SND1: variants seen among roughly 807,000 people sequenced by gnomAD.
The protein encoded by SND1 is staphylococcal nuclease domain-containing protein 1.
In SND1, 38 loss-of-function variants were observed where a neutral mutation model predicts 121.7. That is an observed-to-expected ratio of 0.31 (90% CI 0.24 to 0.41). The LOEUF is 0.41. SND1 is among the 10% of genes least tolerant of loss of function. The pLI is 1.00. For missense variants in SND1, 868 were observed against 1,184.6 expected (o/e 0.73, Z 3.92); for synonymous variants, 401 against 447.4 (o/e 0.90, Z 1.31).
chr7:127,849,878 A>T (rs894320517), intron 12 of SND1, among the ~76,000 whole-genome samples: 3 of 138,404 alleles, frequency 2.2e-5, no homozygotes, highest in African/African-American at 8.5e-5. Flanking sequence ...TTGCTATCAG[A>T]GGTATTGTCC....
chr7:127,953,769 T>A (rs1801525326), intron 15 of SND1, among the ~76,000 whole-genome samples: 1 of 152,214 alleles, frequency 6.6e-6, no homozygotes. Context: ...CTTGTTAATT[T>A]TCATTTATTC....
chr7:128,091,967 G>GAGCT (rs1285616264), intron 23 of SND1, 26 bp from the exon 24 acceptor site: 14 of 1,613,950 alleles, frequency 8.7e-6, no homozygotes, highest in African/African-American at 1.3e-5. Context: ...TATCCCTGAA[G>GAGCT]AGCTATTGTC....
At chr7:127,841,525 A>G (rs1392652168) in intron 11 of SND1, among the ~76,000 whole-genome samples, 1 of 152,030 alleles carries the variant, frequency 6.6e-6, no homozygotes, top group South Asian at 2.1e-4. Context: ...ATTTTTTGCC[A>G]TGACTCCAGC....
Position 127,702,386 on chromosome 7 carries a change from C to G in SND1, c.590-49C>G, listed in dbSNP as rs1446435830. The G allele has an allele frequency of 4.5e-6, 7 of 1,547,382 alleles. No homozygotes were observed. The Admixed American group carries it at 1.2e-4, about 26-fold the overall frequency. ...GCAGTTTGATTGGGCAGTGTTTATC[C>G]TTGTTAGGATGTTTGCTAAGGACTT... On this transcript the variant is annotated intron_variant, in intron 5 of 23. Transcript: ENST00000354725.
rs377107369 is a variant in SND1 at position 127,865,161 on chromosome 7, T to C, written c.1343+20737T>C. ...TCCATTGAGAGAGAAACACTATTGATGATTACATTAGTGTATCCCTCTGAG... is the reference window on the plus strand; with the variant it reads ...TCCATTGAGAGAGAAACACTATTGACGATTACATTAGTGTATCCCTCTGAG... On this transcript the variant is annotated intron_variant, in intron 12 of 23. Coordinates refer to ENST00000354725, the MANE Select transcript of SND1 (RefSeq NM_014390.4). 4.6e-5 allele frequency among the ~76,000 whole-genome samples: 7 copies of C among 152,318 alleles called. No individual in the cohort carries two copies. In the East Asian group the frequency reaches 5.8e-4, roughly 13 times the overall value.
intron 14 of SND1, among the ~76,000 whole-genome samples, chr7:127,910,627 T>A (rs956266924): frequency 3.9e-5 from 6 of 152,190 alleles, no homozygotes; most frequent in Admixed American, 6.5e-5. Context: ...ATGATTCTAA[T>A]GTTCCTTTCA....
At chr7:127,874,742 A>G (rs1270609083) in intron 12 of SND1, among the ~76,000 whole-genome samples, 1 of 152,186 alleles carries the variant, frequency 6.6e-6, no homozygotes, top group African/African-American at 2.4e-5. Flanking sequence ...CATTTCTCCC[A>G]TACCCCTCAA....
chr7:127,860,303 A>C (rs980971620), intron 12 of SND1, among the ~76,000 whole-genome samples: 1 of 152,204 alleles, frequency 6.6e-6, no homozygotes, highest in Non-Finnish European at 1.5e-5. Context: ...TGAAGCCACA[A>C]GTTTCCTGTT....
intron 15 of SND1, among the ~76,000 whole-genome samples, chr7:127,962,226 T>G (rs1785369536): frequency 1.3e-5 from 2 of 152,132 alleles, no homozygotes; most frequent in Non-Finnish European, 2.9e-5. Context: ...ATGAATATAG[T>G]CAAATAAATT....
At chr7:127,789,872 A>G (rs1274830510) in intron 10 of SND1, among the ~76,000 whole-genome samples, 1 of 152,238 alleles carries the variant, frequency 6.6e-6, no homozygotes, top group Non-Finnish European at 1.5e-5. Context: ...CTCAAAAGAA[A>G]TAGTGGCCAT....
At chr7:127,809,995 G>A (rs1798304549) in intron 11 of SND1, among the ~76,000 whole-genome samples, 1 of 152,148 alleles carries the variant, frequency 6.6e-6, no homozygotes, top group Non-Finnish European at 1.5e-5. Context: ...TGAGAATATA[G>A]GATGATGGTA....
At chr7:127,837,296 C>T (rs1255535687) in intron 11 of SND1, among the ~76,000 whole-genome samples, 1 of 152,096 alleles carries the variant, frequency 6.6e-6, no homozygotes, top group African/African-American at 2.4e-5. Flanking sequence ...TTGTAAAGTA[C>T]ACACCAGATA....
intron 1 of SND1, among the ~76,000 whole-genome samples, chr7:127,684,983 A>C (rs1287077240): frequency 1.3e-5 from 2 of 152,184 alleles, no homozygotes; most frequent in East Asian, 3.8e-4. Flanking sequence ...AGTATGGATA[A>C]ATGAATTGTG....
At chr7:128,031,715 C>CCGGGGG (rs1221694240) in intron 16 of SND1, 1 of 143,456 alleles carries the variant, frequency 7.0e-6, no homozygotes, top group Non-Finnish European at 1.5e-5. Flanking sequence ...TTCAGAGAGT[C>CCGGGGG]CGGGGGCGGG....
At chr7:127,987,091 A>G (rs1291000047) in intron 15 of SND1, among the ~76,000 whole-genome samples, 1 of 152,196 alleles carries the variant, frequency 6.6e-6, no homozygotes, top group Non-Finnish European at 1.5e-5. Flanking sequence ...TGGTGGTAAC[A>G]TGCAGGATCC....
chr7:127,718,937 T>C (rs1007996903), intron 9 of SND1, among the ~76,000 whole-genome samples: 1 of 101,380 alleles, frequency 9.9e-6, no homozygotes, highest in Non-Finnish European at 2.2e-5. Flanking sequence ...TATTAAGATT[T>C]GGGAAATCCT....
At chr7:127,685,699 T>C (rs1367190305) in intron 1 of SND1, among the ~76,000 whole-genome samples, 1 of 152,226 alleles carries the variant, frequency 6.6e-6, no homozygotes, top group Non-Finnish European at 1.5e-5. Context: ...AGCCACTGAC[T>C]GCACTTGGGA....
At chr7:128,021,109 T>C (rs1024994282) in intron 16 of SND1, among the ~76,000 whole-genome samples, 3 of 152,178 alleles carry the variant, frequency 2.0e-5, no homozygotes, top group Admixed American at 2.0e-4. Context: ...AAGAGATGAA[T>C]TGGAAGAATA....
intron 10 of SND1, among the ~76,000 whole-genome samples, chr7:127,760,247 G>A (rs1797278655): frequency 6.6e-6 from 1 of 152,200 alleles, no homozygotes; most frequent in Non-Finnish European, 1.5e-5. Context: ...ACCGGATGAG[G>A]AATGGAAAAG....
Sources: gnomAD v4.1 joint callset for allele counts (sites outside exome capture counted in the v4.1 genomes callset) on GRCh38, gnomAD v4.1.1 for gene constraint, MANE v1.5 for transcripts, NCBI Gene and HGNC (gene_info 2026-07-23, HGNC 2026-07-21) for gene names.